NR2F1-AS1: variants seen among roughly 807,000 people sequenced by gnomAD.
The protein encoded by NR2F1-AS1 is NR2F1 regulatory antisense RNA 1, also known as NR2F1 antisense RNA 1.
At chr5:93,514,710 C>T (rs1751367643) in intron 4 of NR2F1-AS1, among the ~76,000 whole-genome samples, 1 of 151,946 alleles carries the variant, frequency 6.6e-6, no homozygotes, top group Non-Finnish European at 1.5e-5. Flanking sequence ...TAATATTATA[C>T]AAGAGTATAA....
At chr5:93,419,512 C>T (rs903603562) in intron 4 of NR2F1-AS1, among the ~76,000 whole-genome samples, 1 of 152,170 alleles carries the variant, frequency 6.6e-6, no homozygotes, top group Non-Finnish European at 1.5e-5. Context: ...TGTGTGAAGA[C>T]AGTGCCTGTG....
At chr5:93,543,562 A>C (rs528270813) in intron 4 of NR2F1-AS1, 1 of 152,330 alleles carries the variant, frequency 6.6e-6, no homozygotes, top group African/African-American at 2.4e-5. Context: ...TGACTCAGAG[A>C]GTAGCCTAGG....
chr5:93,519,377 T>G (rs1751457933), intron 4 of NR2F1-AS1, among the ~76,000 whole-genome samples: 1 of 152,044 alleles, frequency 6.6e-6, no homozygotes, highest in Non-Finnish European at 1.5e-5. Context: ...AGCAAATGTA[T>G]GATATGACTC....
intron 4 of NR2F1-AS1, among the ~76,000 whole-genome samples, chr5:93,456,029 A>G (rs1749940320): frequency 6.6e-6 from 1 of 152,200 alleles, no homozygotes; most frequent in South Asian, 2.1e-4. Flanking sequence ...ACTAGGAACT[A>G]AGCAAGGACA....
chr5:93,444,976 G>T (rs1415813161), intron 4 of NR2F1-AS1, among the ~76,000 whole-genome samples: 1 of 152,154 alleles, frequency 6.6e-6, no homozygotes, highest in African/African-American at 2.4e-5. Context: ...AATGAAGGCA[G>T]AAATAAAGAT....
At chr5:93,570,670 C>G (rs1752734613) in intron 1 of NR2F1-AS1, 1 of 152,218 alleles carries the variant, frequency 6.6e-6, no homozygotes, top group South Asian at 2.1e-4. Context: ...GTCCCTCCGG[C>G]CTTCTCAAGG....
At chr5:93,510,440 T>C (rs918178715) in intron 4 of NR2F1-AS1, among the ~76,000 whole-genome samples, 1 of 152,134 alleles carries the variant, frequency 6.6e-6, no homozygotes, top group Admixed American at 6.6e-5. Flanking sequence ...TCCTCCTCCT[T>C]GCCCATAGAA....
At position 93,414,905 on chromosome 5, in the gene NR2F1-AS1, T is replaced by C. The variant is rs547657555; in HGVS notation, n.639-19363A>G. Among the ~76,000 whole-genome samples, 14 of 152,204 alleles carry C rather than the reference T, an allele frequency of 9.2e-5. No individual in the cohort carries two copies. In the South Asian group the frequency reaches 2.7e-3, roughly 29 times the overall value. ...CTACTGTGTAAGGAAAAATAAACTGTTGCAGTTAAAAAAAAAAGTTAGGAG... is the reference window on the plus strand; with the variant it reads ...CTACTGTGTAAGGAAAAATAAACTGCTGCAGTTAAAAAAAAAAGTTAGGAG... On this transcript the variant is annotated intron_variant and non_coding_transcript_variant, in intron 4 of 5. Coordinates refer to ENST00000660523, the Ensembl canonical transcript of NR2F1-AS1.
chr5:93,464,369 G>T (rs1750173440), intron 4 of NR2F1-AS1, among the ~76,000 whole-genome samples: 1 of 152,080 alleles, frequency 6.6e-6, no homozygotes, highest in Admixed American at 6.6e-5. Flanking sequence ...GTCTTTATCA[G>T]CAGCATGAAA....
chr5:93,490,602 C>A (rs202108206), intron 4 of NR2F1-AS1, among the ~76,000 whole-genome samples: 2 of 95,892 alleles, frequency 2.1e-5, no homozygotes, highest in East Asian at 3.2e-4. Flanking sequence ...GTGGTGGTGG[C>A]GGTGGCAGTG....
intron 4 of NR2F1-AS1, among the ~76,000 whole-genome samples, chr5:93,533,335 T>G (rs1751771734): frequency 6.6e-6 from 1 of 152,174 alleles, no homozygotes; most frequent in Non-Finnish European, 1.5e-5. Flanking sequence ...TCACGAGTTA[T>G]TTTCTGAATT....
At chr5:93,464,213 T>A (rs1417279508) in intron 4 of NR2F1-AS1, among the ~76,000 whole-genome samples, 1 of 152,152 alleles carries the variant, frequency 6.6e-6, no homozygotes, top group Non-Finnish European at 1.5e-5. Flanking sequence ...TCTCAAGAGA[T>A]CTGATGGTTT....
chr5:93,573,024 A>C (rs1041481656), intron 1 of NR2F1-AS1, among the ~76,000 whole-genome samples: 1 of 152,196 alleles, frequency 6.6e-6, no homozygotes, highest in African/African-American at 2.4e-5. Context: ...AGCCAGGAGG[A>C]GTGAGAAGCG....
intron 4 of NR2F1-AS1, among the ~76,000 whole-genome samples, chr5:93,452,624 C>A (rs1749861546): frequency 6.6e-6 from 1 of 152,166 alleles, no homozygotes; most frequent in African/African-American, 2.4e-5. Context: ...CTCCTCAAGG[C>A]TGAGGAAAGA....
intron 4 of NR2F1-AS1, among the ~76,000 whole-genome samples, chr5:93,429,170 T>G (rs1749257451): frequency 6.6e-6 from 1 of 152,208 alleles, no homozygotes; most frequent in African/African-American, 2.4e-5. Context: ...TACTCATTCT[T>G]GGTACTCTTA....
intron 4 of NR2F1-AS1, among the ~76,000 whole-genome samples, chr5:93,416,119 CT>C (rs763921744): frequency 7.2e-5 from 11 of 152,158 alleles, no homozygotes; most frequent in Non-Finnish European, 1.5e-4. Context: ...ACCCACACAG[CT>C]TATGAAACAG....
chr5:93,576,144 C>T (rs1752888667), intron 1 of NR2F1-AS1, among the ~76,000 whole-genome samples: 1 of 152,212 alleles, frequency 6.6e-6, no homozygotes, highest in Admixed American at 6.5e-5. Context: ...TCATCCCTTT[C>T]ACACCAACCT....
rs1037240617 is a variant in NR2F1-AS1 at position 93,579,390 on chromosome 5, C to T, written n.313+1077G>A. The stretch of plus-strand genomic sequence containing the variant: ...GAGGCCTCGCGGGCCCAACTTCTCC[C>T]CACCGCTAGGGTCACGCCGGGTCCC... On this transcript the variant is annotated intron_variant and non_coding_transcript_variant, in intron 1 of 5. Transcript: ENST00000660523. This position sits in a 1 kb window ranked among gnomAD's most constrained non-coding sequence, Gnocchi z 5.1. 6.6e-6 allele frequency among the ~76,000 whole-genome samples: 1 copy of T among 152,158 alleles called. No individual in the cohort carries two copies. Among genetic ancestry groups the T allele is most frequent in the African/African-American group, 2.4e-5 (1 of 41,456 alleles).
At chr5:93,585,299 G>A (rs906581747), upstream of NR2F1-AS1, 3 of 1,609,492 alleles carry the variant, frequency 1.9e-6, no homozygotes, top group Non-Finnish European at 1.7e-6. Context: ...GCGGGGACAA[G>A]TCGAGCGGCA....
Sources: gnomAD v4.1 joint callset for allele counts (sites outside exome capture counted in the v4.1 genomes callset) on GRCh38, gnomAD v4.1.1 for gene constraint, Gnocchi (gnomAD v3.1) non-coding constraint, MANE v1.5 for transcripts, NCBI Gene and HGNC (gene_info 2026-07-23, HGNC 2026-07-21) for gene names.